The following FAP variants were observed in gnomAD, a reference collection of about 807,000 sequenced individuals.
FAP encodes the protein prolyl endopeptidase FAP.
Under a neutral mutation model 126.5 loss-of-function variants are expected in FAP, and 110 were observed. That is an observed-to-expected ratio of 0.87 (90% CI 0.74 to 1.02). FAP has a LOEUF of 1.02. Ranked by LOEUF, FAP falls within the 50% of genes least tolerant of loss-of-function variation. The pLI is 0.00. For missense variants in FAP, 919 were observed against 909.2 expected (o/e 1.01, Z -0.14); for synonymous variants, 334 against 297.3 (o/e 1.12, Z -1.27).
At position 162,175,143 on chromosome 2, in the gene FAP, A is replaced by G. The variant is rs540893425; in HGVS notation, c.1870-177T>C. The G allele has an allele frequency of 7.4e-5, 39 of 526,236 alleles. No homozygotes were observed. In the East Asian group the frequency reaches 1.3e-3, roughly 17 times the overall value. 32.6% of individuals were successfully genotyped at this position (526,236 alleles called of 1,614,324 possible). On this transcript the variant is annotated intron_variant, in intron 21 of 25. Transcript: ENST00000188790. ...AAGCTTCAGATAAATGACCAGACATAATGGTAATTTCTTCCCTAATTCATT... is the reference window on the plus strand; with the variant it reads ...AAGCTTCAGATAAATGACCAGACATGATGGTAATTTCTTCCCTAATTCATT...
intron 2 of FAP, among the ~76,000 whole-genome samples, chr2:162,235,873 C>A (rs1690109750): frequency 6.6e-6 from 1 of 152,148 alleles, no homozygotes; most frequent in African/African-American, 2.4e-5. Flanking sequence ...CTGAAGCCAG[C>A]AAGACCAAGA....
In FAP at chr2:162,210,019, G is replaced by A. The variant is rs750617434; in HGVS notation, c.1003-23C>T. The A allele has an allele frequency of 8.1e-6, 13 of 1,606,096 alleles. No homozygotes were observed. In the Admixed American group the frequency reaches 1.3e-4, roughly 16 times the overall value. ...GGTCTAAAAGACAAAAGATCACATC[G>A]AACATAGTATTAGGAGAACATTTTT... On this transcript the variant is annotated intron_variant, in intron 11 of 25. Transcript: ENST00000188790.
chr2:162,195,699 T>C (rs903487921), intron 16 of FAP, among the ~76,000 whole-genome samples: 1 of 151,988 alleles, frequency 6.6e-6, no homozygotes, highest in Non-Finnish European at 1.5e-5. Context: ...AAACTGGCCA[T>C]TTTTAGCAAG....
At position 162,214,186 on chromosome 2, in the gene FAP, T is replaced by C. The variant is rs1217713740; in HGVS notation, c.867-113A>G. ...ATGTCATTATTATACATTACTTATT[T>C]AATAGGTAAGCAAGACAAAACATTC... On this transcript the variant is annotated intron_variant, in intron 10 of 25. Transcript: ENST00000188790. 3 of 860,748 alleles carry C rather than the reference T, an allele frequency of 3.5e-6. No individual in the cohort carries two copies. In the African/African-American group the frequency reaches 5.2e-5, roughly 15 times the overall value. 53.3% of individuals were successfully genotyped at this position (860,748 alleles called of 1,614,324 possible). A position where few individuals can be genotyped will look rare whatever the true frequency, so the allele number is the denominator to read the frequency against.
intron 6 of FAP, among the ~76,000 whole-genome samples, chr2:162,220,516 A>C (rs1458723880): frequency 1.3e-5 from 2 of 152,236 alleles, no homozygotes; most frequent in African/African-American, 4.8e-5. Context: ...TGAAAATAAG[A>C]TGCCATTTGA....
chr2:162,188,065 A>G, intron 20 of FAP, 104 bp downstream of exon 20: 3 of 992,676 alleles, frequency 3.0e-6, no homozygotes, highest in Non-Finnish European at 4.5e-6. Flanking sequence ...CCAAGTTAGA[A>G]AAAGAAAAAC....
intron 16 of FAP, 127 bp downstream of exon 16, chr2:162,198,630 C>G: frequency 8.3e-7 from 1 of 1,203,872 alleles, no homozygotes; most frequent in Non-Finnish European, 1.2e-6. Context: ...TTTCTATAAG[C>G]ACAAGATAAG....
Position 162,214,001 on chromosome 2 carries a change from C to A in FAP, c.939G>T (p.Gln313His). 1 of 1,614,080 alleles carries A rather than the reference C, an allele frequency of 6.2e-7. No individual in the cohort carries two copies. The highest frequency in any genetic ancestry group is 1.1e-5 in the South Asian group (1 of 91,066). ...CACATATAGACAGGACCGAAACATT[C>A]TGGACTCTTTTTAGCCACTGCAAAC... ...RVCLQWLKRV[Q>H]NVSVLSICDF... The change falls in exon 11 of 26, where the codon CAG becomes CAT. Residue 313 changes from glutamine (Q) to histidine (H), a missense_variant. Physicochemically the swap from Gln to His is conservative, Grantham distance 24. Coordinates refer to ENST00000188790, the MANE Select transcript of FAP (RefSeq NM_004460.5).
At chr2:162,236,950 A>G (rs1690160422) in intron 2 of FAP, among the ~76,000 whole-genome samples, 1 of 152,202 alleles carries the variant, frequency 6.6e-6, no homozygotes, top group African/African-American at 2.4e-5. Flanking sequence ...AAAAGGTCCT[A>G]ACATCTGTTT....
intron 21 of FAP, among the ~76,000 whole-genome samples, chr2:162,178,095 C>T (rs918070287): frequency 6.6e-6 from 1 of 152,146 alleles, no homozygotes. Context: ...AATATAGTCT[C>T]ATTAGAGGTG....
chr2:162,198,256 T>G (rs975569163), intron 16 of FAP: 1 of 1,289,810 alleles, frequency 7.8e-7, no homozygotes, highest in African/African-American at 1.5e-5. Flanking sequence ...ATGATTGACC[T>G]CCGACGTGGG....
intron 12 of FAP, among the ~76,000 whole-genome samples, chr2:162,207,093 A>G (rs912495602): frequency 1.3e-5 from 2 of 152,226 alleles, no homozygotes; most frequent in Non-Finnish European, 2.9e-5. Context: ...TCTGAAATAC[A>G]TACACATTTC....
intron 16 of FAP, chr2:162,198,062 T>A: frequency 1.2e-6 from 1 of 829,098 alleles, no homozygotes; most frequent in Non-Finnish European, 1.6e-6. Flanking sequence ...AGGTTGCACA[T>A]AAAATAAAAT....
intron 6 of FAP, among the ~76,000 whole-genome samples, chr2:162,221,918 C>T (rs754135530): frequency 6.6e-6 from 1 of 152,016 alleles, no homozygotes; most frequent in African/African-American, 2.4e-5. Context: ...AGTTTGCCAT[C>T]CATCCTTCAC....
chr2:162,202,563 G>T (rs1688537842), intron 14 of FAP, among the ~76,000 whole-genome samples: 1 of 152,148 alleles, frequency 6.6e-6, no homozygotes, highest in Non-Finnish European at 1.5e-5. Flanking sequence ...TTTGAAACTT[G>T]TTCATTGCTT....
chr2:162,204,409 G>A (rs1469732069), intron 12 of FAP, among the ~76,000 whole-genome samples: 2 of 152,172 alleles, frequency 1.3e-5, no homozygotes, highest in African/African-American at 2.4e-5. Flanking sequence ...TTTGGAAATG[G>A]GGTCTTCGCA....
At chr2:162,190,128 T>C (rs944687856) in intron 17 of FAP, among the ~76,000 whole-genome samples, 4 of 152,078 alleles carry the variant, frequency 2.6e-5, no homozygotes, top group Non-Finnish European at 5.9e-5. Flanking sequence ...AAAAATGTAG[T>C]GGAAATACAA....
At chr2:162,189,609 T>C in intron 18 of FAP, 47 bp downstream of exon 18, 1 of 1,039,142 alleles carries the variant, frequency 9.6e-7, no homozygotes, top group South Asian at 1.4e-5. Context: ...AGCAAGAAAA[T>C]TGCTCAGCTT....
intron 12 of FAP, among the ~76,000 whole-genome samples, chr2:162,205,707 T>G (rs1016309105): frequency 3.9e-5 from 6 of 152,124 alleles, no homozygotes; most frequent in Admixed American, 6.5e-5. Flanking sequence ...GAGATGAGGT[T>G]TCACCATGTT....
Sources: gnomAD v4.1 joint callset for allele counts (sites outside exome capture counted in the v4.1 genomes callset) on GRCh38, gnomAD v4.1.1 for gene constraint, MANE v1.5 for transcripts, NCBI Gene and HGNC (gene_info 2026-07-23, HGNC 2026-07-21) for gene names.